Variants in PIWIL3 observed in about 807,000 individuals in gnomAD.
The protein encoded by PIWIL3 is piwi-like protein 3.
PIWIL3 carries 101 observed loss-of-function variants against 109.7 expected under a neutral mutation model. That is an observed-to-expected ratio of 0.92 (90% CI 0.78 to 1.09). PIWIL3 has a LOEUF of 1.09. Among genes scored for constraint, PIWIL3 ranks in the 50% least tolerant of loss-of-function variants. The pLI is 0.00. For synonymous variants in PIWIL3, 373 were observed against 376.4 expected (o/e 0.99, Z 0.10); for missense variants, 1,031 against 1,072.6 (o/e 0.96, Z 0.54).
chr22:24,752,077 G>A (rs1924745656), intron 8 of PIWIL3, among the ~76,000 whole-genome samples: 1 of 151,560 alleles, frequency 6.6e-6, no homozygotes, highest in Admixed American at 6.6e-5. Flanking sequence ...TTTCTCTTGT[G>A]TATTTAAGTA....
At chr22:24,754,653 CATGGTCAGTGGATACCATTTAA>C in intron 7 of PIWIL3, 109 bp downstream of exon 7, 1 of 676,312 alleles carries the variant, frequency 1.5e-6, no homozygotes, top group Non-Finnish European at 2.5e-6. Flanking sequence ...CTAAATTGTT[CATGGTCAGTGGATACCATTTAA>C]AAGGCCATCA....
At chr22:24,721,157 GT>G (rs1386223155) in intron 19 of PIWIL3, among the ~76,000 whole-genome samples, 3 of 152,118 alleles carry the variant, frequency 2.0e-5, no homozygotes, top group Non-Finnish European at 4.4e-5. Context: ...AACTGAGCAT[GT>G]TTGTATTTCA....
chr22:24,746,148 G>A (rs759428401), intron 12 of PIWIL3, among the ~76,000 whole-genome samples: 1 of 152,048 alleles, frequency 6.6e-6, no homozygotes, highest in African/African-American at 2.4e-5. Context: ...GAAAACTACA[G>A]GCCAATATCT....
At chr22:24,763,612 A>G (rs758424204) in intron 1 of PIWIL3, among the ~76,000 whole-genome samples, 1 of 152,112 alleles carries the variant, frequency 6.6e-6, no homozygotes, top group Non-Finnish European at 1.5e-5. Flanking sequence ...ACTTCTCTAG[A>G]AATTTAAGGA....
At chr22:24,762,278 C>A (rs1212102489) in intron 2 of PIWIL3, 120 bp downstream of exon 2, 6 of 1,419,404 alleles carry the variant, frequency 4.2e-6, no homozygotes, top group Middle Eastern at 1.8e-4. Flanking sequence ...TTCTTATGAA[C>A]TTTTATTAGT....
intron 1 of PIWIL3, among the ~76,000 whole-genome samples, chr22:24,767,374 A>T (rs11090343): frequency 0.38 from 31,365 of 82,128 alleles, 3,519 homozygotes; most frequent in Admixed American, 0.48. Flanking sequence ...CGTCTCTACT[A>T]AAAAAAATAA....
rs1924862533 is a variant in PIWIL3 at position 24,754,003 on chromosome 22, GACAGAC to G, written c.977+5_977+10del. On this transcript the variant is annotated splice_donor_5th_base_variant and intron_variant, in intron 8 of 20. Coordinates refer to ENST00000616349, the MANE Select transcript of PIWIL3 (RefSeq NM_001255975.1). ...AAAGTGATTGGATAGGTTTTTAAAA[GACAGAC>G]TTACTTTGTCAGAACAATTGATCCA... 9.5e-6 allele frequency: 15 copies of G among 1,583,922 alleles called. No homozygotes were observed. Among genetic ancestry groups the G allele is most frequent in the Non-Finnish European group, 1.3e-5 (15 of 1,152,856 alleles).
chr22:24,749,133 A>AG, intron 11 of PIWIL3, 112 bp from the exon 12 acceptor site: 2 of 904,776 alleles, frequency 2.2e-6, no homozygotes, highest in South Asian at 3.4e-5. Context: ...TGTCCGCAGC[A>AG]TTGAGATGCG....
At chr22:24,742,321 A>G (rs1461294645) in intron 12 of PIWIL3, among the ~76,000 whole-genome samples, 2 of 152,140 alleles carry the variant, frequency 1.3e-5, no homozygotes, top group Non-Finnish European at 2.9e-5. Flanking sequence ...CTATACTGCC[A>G]AAAGCAATCT....
intron 12 of PIWIL3, among the ~76,000 whole-genome samples, chr22:24,739,851 C>T (rs1315516723): frequency 6.6e-6 from 1 of 151,964 alleles, no homozygotes; most frequent in Non-Finnish European, 1.5e-5. Context: ...GAGATCGAGA[C>T]CATCCTGGCT....
chr22:24,763,912 C>G (rs1925615582), intron 1 of PIWIL3, among the ~76,000 whole-genome samples: 1 of 152,194 alleles, frequency 6.6e-6, no homozygotes, highest in Non-Finnish European at 1.5e-5. Context: ...TATGCACCGG[C>G]GCTCTGTGGC....
At position 24,757,793 on chromosome 22, in the gene PIWIL3, G is replaced by T. The variant is rs1338811440; in HGVS notation, c.355+115C>A. 14 of 1,243,092 alleles carry T rather than the reference G, an allele frequency of 1.1e-5. No homozygotes were observed. The East Asian group carries it at 3.2e-4, about 28-fold the overall frequency. The allele number at this position is 1,243,092 out of a possible 1,614,324, so 77.0% of individuals were successfully genotyped here. ...GCCCAGGAGTTTGAGGCTAAAGTGA[G>T]CATCACTGTACTCCAGCCTGGGCGA... is the stretch of plus-strand genomic sequence containing the variant. On this transcript the variant is annotated intron_variant, in intron 4 of 20. Transcript: ENST00000616349.
intron 9 of PIWIL3, 122 bp downstream of exon 9, chr22:24,751,264 TA>T: frequency 1.0e-6 from 1 of 1,001,716 alleles, no homozygotes; most frequent in Non-Finnish European, 1.4e-6. Flanking sequence ...AGTCAAGCTA[TA>T]ATCCCCTAAA....
chr22:24,748,081 T>C (rs2147692077), intron 12 of PIWIL3, among the ~76,000 whole-genome samples: 1 of 149,798 alleles, frequency 6.7e-6, no homozygotes, highest in East Asian at 2.1e-4. Flanking sequence ...ATATACACAA[T>C]GGAGTACTAT....
intron 14 of PIWIL3, among the ~76,000 whole-genome samples, chr22:24,730,008 TTTAAG>T (rs1373622669): frequency 1.1e-4 from 16 of 152,074 alleles, no homozygotes; most frequent in Non-Finnish European, 7.4e-5. Context: ...AAGGACCAGC[TTTAAG>T]TTTTTTGGTT....
At chr22:24,749,579 T>G (rs1342785962) in intron 10 of PIWIL3, 58 bp from the exon 11 acceptor site, 1 of 1,610,722 alleles carries the variant, frequency 6.2e-7, no homozygotes, top group Non-Finnish European at 8.5e-7. Flanking sequence ...GAGGACTAAA[T>G]TATAACAGCT....
At chr22:24,756,818 G>T (rs996300715) in intron 4 of PIWIL3, 113 bp from the exon 5 acceptor site, 1 of 905,178 alleles carries the variant, frequency 1.1e-6, no homozygotes, top group Non-Finnish European at 1.7e-6. Context: ...GGTGGCTCAC[G>T]CCTCTAATCC....
At chr22:24,748,557 C>A (rs1924508294) in intron 12 of PIWIL3, among the ~76,000 whole-genome samples, 1 of 152,190 alleles carries the variant, frequency 6.6e-6, no homozygotes, top group South Asian at 2.1e-4. Context: ...CTACTATGTA[C>A]CCACAAAAAC....
chr22:24,746,276 GTAGGCA>G (rs1314779401), intron 12 of PIWIL3, among the ~76,000 whole-genome samples: 4 of 152,166 alleles, frequency 2.6e-5, no homozygotes, highest in African/African-American at 9.6e-5. Flanking sequence ...ATGGTTCTAT[GTAGGCA>G]AATCAACATG....
Sources: allele counts gnomAD v4.1 joint callset (sites outside exome capture counted in the v4.1 genomes callset), GRCh38; gene constraint gnomAD v4.1.1; transcripts MANE v1.5; gene names NCBI Gene and HGNC (gene_info 2026-07-23, HGNC 2026-07-21).